Variants in B4GALT6 observed in about 807,000 individuals in gnomAD.
B4GALT6 encodes the protein UDP-Gal:beta-GlcNAc beta-1,4-galactosyltransferase 6.
A neutral mutation model predicts 46.3 loss-of-function variants in B4GALT6; 14 were observed. That is an observed-to-expected ratio of 0.30 (90% CI 0.20 to 0.47). The LOEUF (loss-of-function observed/expected upper bound fraction) is 0.47, where lower values mean the gene tolerates loss of function less well. Ranked by LOEUF, B4GALT6 falls within the 20% of genes least tolerant of loss-of-function variation. The pLI, the probability that B4GALT6 is intolerant of heterozygous loss-of-function variation, is 0.99. For synonymous variants in B4GALT6, 168 were observed against 162.0 expected, an observed-to-expected ratio of 1.04 and a Z score of -0.28; for missense variants, 386 against 480.1, an observed-to-expected ratio of 0.80 and a Z score of 1.83.
rs568107199 is a variant in B4GALT6, at chr18:31,623,296, A to T, written c.*2318T>A. On this transcript the variant is annotated 3_prime_UTR_variant, in exon 9 of 9. Transcript: ENST00000306851. The stretch of plus-strand genomic sequence containing the variant: ...ACTGTTTATAGGCAAAAATAATTTT[A>T]GGTCTACACTAAAAAAGCAAAACAA... 2.0e-5 allele frequency: 3 copies of T among 152,332 alleles called. No homozygotes were observed. The South Asian group carries it at 6.2e-4, about 32-fold the overall frequency. 9.4% of individuals were successfully genotyped at this position (152,332 alleles called of 1,614,324 possible).
the B4GALT6 span, among the ~76,000 whole-genome samples, chr18:31,711,340 G>C: frequency 3.9e-5 from 6 of 152,230 alleles, no homozygotes; most frequent in South Asian, 1.2e-3. Flanking sequence ...TTGTGGTACA[G>C]ATTATTTTAT....
rs192518322 is a variant in B4GALT6, at chr18:31,662,845, A to G, written c.232+3411T>C. 1.6e-3 allele frequency among the ~76,000 whole-genome samples: 249 copies of G among 152,272 alleles called. 1 individual carries two copies. Among genetic ancestry groups the G allele is most frequent in the African/African-American group, 5.7e-3 (237 of 41,542 alleles). On this transcript the variant is annotated intron_variant, in intron 2 of 8. Coordinates refer to ENST00000306851, the MANE Select transcript of B4GALT6 (RefSeq NM_004775.5). The stretch of plus-strand genomic sequence containing the variant: ...GACAGAGCGAGACTCTGTCTCAAAA[A>G]AAAACAAAAACAAAAAAACCCACAA...
chr18:31,701,794 G>T, the B4GALT6 span, among the ~76,000 whole-genome samples: 1 of 152,060 alleles, frequency 6.6e-6, no homozygotes, highest in South Asian at 2.1e-4. Flanking sequence ...TGTTTCAAAA[G>T]TTAAGTTATA....
the B4GALT6 span, among the ~76,000 whole-genome samples, chr18:31,694,803 A>G: frequency 6.6e-6 from 1 of 152,228 alleles, no homozygotes; most frequent in Non-Finnish European, 1.5e-5. Context: ...AAAAGTGTGT[A>G]ACTGTGAAAC....
intron 4 of B4GALT6, among the ~76,000 whole-genome samples, chr18:31,644,594 T>C (rs1221351220): frequency 4.6e-5 from 7 of 152,374 alleles, no homozygotes; most frequent in South Asian, 2.1e-4. Context: ...ATTACATAAA[T>C]GTTATTTCTT....
chr18:31,721,394 C>T, the B4GALT6 span, among the ~76,000 whole-genome samples: 90 of 152,124 alleles, frequency 5.9e-4, no homozygotes, highest in African/African-American at 2.1e-3. Context: ...GTTACATTTC[C>T]ATAGTAGAAT....
the B4GALT6 span, among the ~76,000 whole-genome samples, chr18:31,711,426 A>G: frequency 6.6e-6 from 1 of 152,090 alleles, no homozygotes; most frequent in Admixed American, 6.6e-5. Context: ...ATCCTCAAGT[A>G]GACCCAGTGT....
At chr18:31,684,721 C>A (rs2074524772), upstream of B4GALT6, 5 of 1,113,356 alleles carry the variant, frequency 4.5e-6, no homozygotes, top group Non-Finnish European at 5.5e-6. Flanking sequence ...GGAAGAAAGC[C>A]GGGGAAGGGC....
intron 1 of B4GALT6, among the ~76,000 whole-genome samples, chr18:31,666,909 GTTAA>G (rs1317521515): frequency 6.6e-6 from 1 of 152,144 alleles, no homozygotes; most frequent in African/African-American, 2.4e-5. Context: ...ATTTCTAAGA[GTTAA>G]TTAAACTTTT....
chr18:31,694,470 A>G, the B4GALT6 span, among the ~76,000 whole-genome samples: 51 of 152,320 alleles, frequency 3.3e-4, no homozygotes, highest in East Asian at 9.6e-3. Flanking sequence ...TCTTCAGGAC[A>G]ATGGAGCACT....
intron 4 of B4GALT6, among the ~76,000 whole-genome samples, chr18:31,644,692 A>G (rs2073970639): frequency 6.6e-6 from 1 of 152,170 alleles, no homozygotes; most frequent in Non-Finnish European, 1.5e-5. Flanking sequence ...TATGGCTTTC[A>G]ATTTTTTTAA....
chr18:31,645,208 A>T (rs1231347856), intron 4 of B4GALT6, 147 bp downstream of exon 4: 5 of 1,080,840 alleles, frequency 4.6e-6, no homozygotes, highest in Non-Finnish European at 6.6e-6. Context: ...CATTTGAATT[A>T]TAAATAGTAA....
At chr18:31,713,162 G>A in the B4GALT6 span, among the ~76,000 whole-genome samples, 349 of 152,184 alleles carry the variant, frequency 2.3e-3, 4 homozygotes, top group East Asian at 0.033. Flanking sequence ...AGACCAGCCT[G>A]GACAACATGG....
At chr18:31,707,444 G>A in the B4GALT6 span, among the ~76,000 whole-genome samples, 3 of 151,832 alleles carry the variant, frequency 2.0e-5, no homozygotes, top group Non-Finnish European at 4.4e-5. Context: ...ATCTCATTAC[G>A]AGTTGTAGCT....
upstream of B4GALT6, chr18:31,686,051 AC>A (rs1403167870): frequency 2.0e-5 from 3 of 152,046 alleles, no homozygotes; most frequent in Non-Finnish European, 2.9e-5. Flanking sequence ...GTCTTCATCC[AC>A]CTCCTAGGCC....
chr18:31,673,741 A>G (rs1356830401), intron 1 of B4GALT6, among the ~76,000 whole-genome samples: 1 of 152,158 alleles, frequency 6.6e-6, no homozygotes, highest in Admixed American at 6.5e-5. Flanking sequence ...AAATCCCCAA[A>G]AAGATATGCC....
At chr18:31,629,406 A>T (rs1411316650) in intron 6 of B4GALT6, among the ~76,000 whole-genome samples, 1 of 150,982 alleles carries the variant, frequency 6.6e-6, no homozygotes. Context: ...AGAATTTAAC[A>T]ATAAATTAAT....
chr18:31,639,401 A>G (rs981318331), intron 4 of B4GALT6, among the ~76,000 whole-genome samples: 1 of 152,214 alleles, frequency 6.6e-6, no homozygotes, highest in Non-Finnish European at 1.5e-5. Flanking sequence ...TCTGTCCTAG[A>G]GATATTTTCA....
intron 1 of B4GALT6, among the ~76,000 whole-genome samples, chr18:31,672,150 C>T (rs1259435343): frequency 6.6e-6 from 1 of 152,228 alleles, no homozygotes; most frequent in African/African-American, 2.4e-5. Flanking sequence ...AGAACTGTTT[C>T]CTGGGCTTTG....
Sources: allele counts gnomAD v4.1 joint callset (sites outside exome capture counted in the v4.1 genomes callset), GRCh38; gene constraint gnomAD v4.1.1; transcripts MANE v1.5; gene names NCBI Gene and HGNC (gene_info 2026-07-23, HGNC 2026-07-21).